Variants in MON2 observed in about 807,000 individuals in gnomAD.
MON2 encodes the protein protein MON2 homolog.
MON2 carries 84 observed loss-of-function variants against 208.6 expected under a neutral mutation model. That is an observed-to-expected ratio of 0.40 (90% CI 0.34 to 0.48). The LOEUF is 0.48. Among genes scored for constraint, MON2 ranks in the 20% least tolerant of loss-of-function variants. MON2 has a pLI of 0.59. For synonymous variants in MON2, 660 were observed against 694.0 expected (o/e 0.95, Z 0.77); for missense variants, 1,611 against 2,015.4 (o/e 0.80, Z 3.84).
intron 24 of MON2, among the ~76,000 whole-genome samples, chr12:62,554,615 C>T (rs550181246): frequency 6.6e-6 from 1 of 152,258 alleles, no homozygotes; most frequent in South Asian, 2.1e-4. Context: ...CCACCTCAGC[C>T]TCTTGAGTAG....
At chr12:62,532,873 G>A (rs948169843) in intron 12 of MON2, among the ~76,000 whole-genome samples, 6 of 151,974 alleles carry the variant, frequency 3.9e-5, no homozygotes, top group Non-Finnish European at 8.8e-5. Context: ...ACATGATGCC[G>A]TATTACTACC....
chr12:62,535,395 A>T, intron 13 of MON2, 130 bp from the exon 14 acceptor site: 4 of 710,102 alleles, frequency 5.6e-6, no homozygotes, highest in Admixed American at 3.4e-5. Flanking sequence ...TCTTAAGTAT[A>T]TTGGTAATAT....
At chr12:62,474,895 A>AT (rs2068988084) in intron 1 of MON2, among the ~76,000 whole-genome samples, 1 of 151,810 alleles carries the variant, frequency 6.6e-6, no homozygotes, top group Admixed American at 6.6e-5. Flanking sequence ...CAGCTCTGTA[A>AT]TTTTTAGCAT....
rs146379332 is a variant in MON2 at position 62,557,447 on chromosome 12, A to G, written c.3409+1255A>G. On this transcript the variant is annotated intron_variant, in intron 25 of 34. Coordinates refer to ENST00000393630, the MANE Select transcript of MON2 (RefSeq NM_015026.3). ...ACATCTTACAATGCAGCCTCCTATA[A>G]CAAAGAATTATACAACCAGAAATGT... 3.9e-5 allele frequency among the ~76,000 whole-genome samples: 6 copies of G among 152,358 alleles called. No individual in the cohort carries two copies. The East Asian group carries it at 1.2e-3, about 29-fold the overall frequency.
chr12:62,557,088 G>GA lies in MON2; in HGVS notation c.3409+908dup, dbSNP rs778255391. ...GCGTGACAGAGTGAGACCCTGTCTCGAAAAAAAAAAAAGGATTTCATCCTA... is the reference window on the plus strand; with the variant it reads ...GCGTGACAGAGTGAGACCCTGTCTCGAAAAAAAAAAAAAGGATTTCATCCTA... On this transcript the variant is annotated intron_variant, in intron 25 of 34. Transcript: ENST00000393630. Among the ~76,000 whole-genome samples, 97 of 130,462 alleles carry GA rather than the reference G, an allele frequency of 7.4e-4. 1 individual carries two copies. The highest frequency in any genetic ancestry group is 1.5e-3 in the South Asian group (6 of 4,104). 85.6% of individuals were successfully genotyped at this position (130,462 alleles called of 152,430 possible).
rs537976450 is a variant in MON2, at chr12:62,506,455, C to T, written c.790-1831C>T. 1.5e-3 allele frequency among the ~76,000 whole-genome samples: 228 copies of T among 152,144 alleles called. 2 individuals are homozygous for T. Among genetic ancestry groups the T allele is most frequent in the African/African-American group, 5.3e-3 (220 of 41,504 alleles). ...TGAGAATCTGATTTTTTAAAACATA[C>T]GTTTAGTGGCTTATGCCTGTAATCA... On this transcript the variant is annotated intron_variant, in intron 7 of 34. Transcript: ENST00000393630.
intron 23 of MON2, among the ~76,000 whole-genome samples, chr12:62,551,374 A>G (rs972553734): frequency 7.8e-6 from 1 of 127,964 alleles, no homozygotes; most frequent in Non-Finnish European, 1.7e-5. Context: ...AAGTAAAAAG[A>G]TGAGGAAACA....
At chr12:62,575,239 AAATAC>A (rs2074732523) in intron 30 of MON2, among the ~76,000 whole-genome samples, 1 of 152,218 alleles carries the variant, frequency 6.6e-6, no homozygotes, top group Admixed American at 6.5e-5. Flanking sequence ...CATAGTTCAA[AAATAC>A]TTTAAGGCTC....
At chr12:62,583,360 A>G (rs888754310) in intron 32 of MON2, among the ~76,000 whole-genome samples, 1 of 149,814 alleles carries the variant, frequency 6.7e-6, no homozygotes, top group Non-Finnish European at 1.5e-5. Context: ...GACGAGAAAG[A>G]ACTCATAGAA....
intron 1 of MON2, among the ~76,000 whole-genome samples, chr12:62,469,605 A>G (rs1032038844): frequency 6.6e-6 from 1 of 152,210 alleles, no homozygotes; most frequent in African/African-American, 2.4e-5. Flanking sequence ...AAAGAGAGTC[A>G]TTAGCCTAAT....
chr12:62,538,632 G>T (rs1247349953), intron 19 of MON2, 127 bp downstream of exon 19: 1 of 669,110 alleles, frequency 1.5e-6, no homozygotes, highest in Non-Finnish European at 2.5e-6. Context: ...ACTCTGTTGG[G>T]TTTTTACCAC....
At chr12:62,538,646 T>C (rs4763176) in intron 19 of MON2, 141 bp downstream of exon 19, 83,610 of 612,700 alleles carry the variant, frequency 0.14, 6,817 homozygotes, top group East Asian at 0.25. Context: ...TTACCACTTA[T>C]CGTTATTTGT....
chr12:62,493,936 A>T lies in MON2; in HGVS notation c.197A>T (p.Glu66Val). Residue 66 changes from glutamate to valine, a missense_variant, in exon 3 of 35, where the codon GAG becomes GTG. Glu to Val is a moderately radical substitution (Grantham distance 121). Coordinates refer to ENST00000393630, the MANE Select transcript of MON2 (RefSeq NM_015026.3). Reference protein sequence around the residue: ...ILAALKENSSEVVQPFLMGCG... With the variant: ...ILAALKENSSVVVQPFLMGCG... ...GAAGCACTGAAAGAGAACAGCTCAG[A>T]GGTTGTACAGCCTTTTTTAATGGGT... 6.2e-7 allele frequency: 1 copy of T among 1,606,790 alleles called. No individual in the cohort carries two copies. Among genetic ancestry groups the T allele is most frequent in the Non-Finnish European group, 8.5e-7 (1 of 1,175,270 alleles).
Position 62,585,377 on chromosome 12 carries a change from G to A in MON2, c.4783G>A (p.Val1595Ile), listed in dbSNP as rs142788333. ...ACTCCAGTTTTCCTTCAGTAATAAAGTCACAACACCTCAAGAAGGCTACAT... is the reference window on the plus strand; with the variant it reads ...ACTCCAGTTTTCCTTCAGTAATAAAATCACAACACCTCAAGAAGGCTACAT... ...TLLQFSFSNK[V>I]TTPQEGYISR... is the part of the protein sequence containing the mutation. Residue 1595 changes from valine (V) to isoleucine (I), a missense_variant, in exon 33 of 35, where the codon GTC becomes ATC. By Grantham distance (29) the Val-to-Ile change is conservative. Transcript: ENST00000393630. 1.9e-6 allele frequency: 3 copies of A among 1,613,828 alleles called. No individual in the cohort carries two copies. Among genetic ancestry groups the A allele is most frequent in the Non-Finnish European group, 2.5e-6 (3 of 1,179,820 alleles).
At position 62,580,539 on chromosome 12, in the gene MON2, AG is replaced by A. The variant is rs1235769027; in HGVS notation, c.4699+121del. The A allele has an allele frequency of 5.3e-5, 43 of 813,634 alleles. No homozygotes were observed. In the East Asian group the frequency reaches 1.1e-3, roughly 22 times the overall value. The allele number at this position is 813,634 out of a possible 1,614,324, so 50.4% of individuals were successfully genotyped here. ...ACTGGAGAATGGTAAGGTGATTTTT[AG>A]GATTGTAATATAGAACTAAGCTTTA... On this transcript the variant is annotated intron_variant, in intron 32 of 34. Transcript: ENST00000393630.
intron 7 of MON2, 49 bp from the exon 8 acceptor site, chr12:62,508,237 G>T (rs549276653): frequency 4.8e-6 from 7 of 1,457,672 alleles, no homozygotes; most frequent in Non-Finnish European, 6.6e-6. Context: ...GAAGTATTAA[G>T]TACAAATAAA....
chr12:62,553,313 G>C (rs1337149669), intron 24 of MON2, 139 bp downstream of exon 24: 10 of 782,350 alleles, frequency 1.3e-5, no homozygotes, highest in Non-Finnish European at 1.8e-5. Flanking sequence ...AAATAACTGT[G>C]TCATATTGTA....
intron 23 of MON2, among the ~76,000 whole-genome samples, chr12:62,551,610 C>T (rs1483853535): frequency 6.6e-6 from 1 of 152,138 alleles, no homozygotes; most frequent in Non-Finnish European, 1.5e-5. Context: ...ACGGTACCAA[C>T]AGACTTGTTC....
chr12:62,571,481 T>C lies in MON2; in HGVS notation c.4413T>C (p.Ser1471=). 1 of 1,614,004 alleles carries C rather than the reference T, an allele frequency of 6.2e-7. No individual in the cohort carries two copies. The highest frequency in any genetic ancestry group is 1.7e-5 in the Admixed American group (1 of 60,026). Residue 1471 remains serine, a synonymous_variant, in exon 30 of 35, where the codon TCT becomes TCC. Coordinates refer to ENST00000393630, the MANE Select transcript of MON2 (RefSeq NM_015026.3). ...TATCCTCTCTCCTCAGAGTTCTTTCTATTGGGCTACCTGTTGCCCGGCAGC... is the reference window on the plus strand; with the variant it reads ...TATCCTCTCTCCTCAGAGTTCTTTCCATTGGGCTACCTGTTGCCCGGCAGC... ...LAVSSLLRVL[S]IGLPVARQHA...
Sources: allele counts gnomAD v4.1 joint callset (sites outside exome capture counted in the v4.1 genomes callset), GRCh38; gene constraint gnomAD v4.1.1; transcripts MANE v1.5; gene names NCBI Gene and HGNC (gene_info 2026-07-23, HGNC 2026-07-21).